The following PKHD1 variants were observed in gnomAD, a reference collection of about 807,000 sequenced individuals.
The protein encoded by PKHD1 is PKHD1 ciliary IPT domain containing fibrocystin/polyductin.
Under a neutral mutation model 412.0 loss-of-function variants are expected in PKHD1, and 291 were observed. The ratio of observed to expected loss-of-function variants is 0.71; its 90% CI spans 0.64 to 0.78. The LOEUF (loss-of-function observed/expected upper bound fraction) is 0.78, where lower values mean the gene tolerates loss of function less well. Ranked by LOEUF, PKHD1 falls within the 30% of genes least tolerant of loss-of-function variation. The pLI is 0.00. For missense variants in PKHD1, 4,825 were observed against 4,950.7 expected, an observed-to-expected ratio of 0.97 and a Z score of 0.76; for synonymous variants, 1,777 against 1,821.5, an observed-to-expected ratio of 0.98 and a Z score of 0.62.
intron 53 of PKHD1, among the ~76,000 whole-genome samples, chr6:51,776,803 A>G (rs1442247841): frequency 2.0e-5 from 3 of 152,102 alleles, no homozygotes; most frequent in Admixed American, 6.6e-5. Context: ...ACATAAGGCT[A>G]TGATACTCAG....
In PKHD1 at chr6:51,618,684, C is replaced by A. The variant is rs750640413; in HGVS notation, c.*397G>T. 1 of 319,958 alleles carries A rather than the reference C, an allele frequency of 3.1e-6. No individual in the cohort carries two copies. The highest frequency in any genetic ancestry group is 6.0e-6 in the Non-Finnish European group (1 of 166,784). The allele number at this position is 319,958 out of a possible 1,614,324, so 19.8% of individuals were successfully genotyped here. A position where few individuals can be genotyped will look rare whatever the true frequency, so the allele number is the denominator to read the frequency against. Reference sequence around the variant, plus strand: ...TGGAATTAAACTGTAGCTGACCAGACCTTTTCATGATCCCTTCTATAAAAG... The same window carrying A: ...TGGAATTAAACTGTAGCTGACCAGAACTTTTCATGATCCCTTCTATAAAAG... On this transcript the variant is annotated 3_prime_UTR_variant, in exon 67 of 67. Coordinates refer to ENST00000371117, the MANE Select transcript of PKHD1 (RefSeq NM_138694.4).
intron 64 of PKHD1, among the ~76,000 whole-genome samples, chr6:51,635,398 CA>C (rs376885159): frequency 2.8e-4 from 43 of 152,268 alleles, no homozygotes; most frequent in African/African-American, 1.0e-3. Flanking sequence ...AGCATCAGAA[CA>C]TTTTTTAAAA....
chr6:52,069,329 G>A, intron 11 of PKHD1, 128 bp downstream of exon 11: 1 of 773,628 alleles, frequency 1.3e-6, no homozygotes, highest in South Asian at 1.4e-5. Context: ...AAAACACCAG[G>A]CTGTCTATGA....
intron 12 of PKHD1, 22 bp from the exon 13 acceptor site, chr6:52,065,072 T>C: frequency 7.5e-7 from 1 of 1,325,520 alleles, no homozygotes; most frequent in Non-Finnish European, 1.1e-6. Context: ...TAAAGAAATT[T>C]ATGTATGTGT....
At chr6:51,975,383 A>T (rs1237989314) in intron 35 of PKHD1, among the ~76,000 whole-genome samples, 1 of 152,094 alleles carries the variant, frequency 6.6e-6, no homozygotes, top group Non-Finnish European at 1.5e-5. Context: ...AAATATTTGC[A>T]AATTATACAA....
intron 63 of PKHD1, among the ~76,000 whole-genome samples, chr6:51,642,411 G>C (rs757822160): frequency 6.6e-6 from 1 of 152,154 alleles, no homozygotes; most frequent in Non-Finnish European, 1.5e-5. Context: ...TATGAGTAAG[G>C]TACAGACTAT....
intron 55 of PKHD1, among the ~76,000 whole-genome samples, chr6:51,763,236 A>G (rs920879453): frequency 6.6e-6 from 1 of 152,124 alleles, no homozygotes; most frequent in Non-Finnish European, 1.5e-5. Context: ...AATGCAGATA[A>G]TAATACCTAA....
chr6:51,750,158 A>T (rs1159737669), intron 57 of PKHD1, among the ~76,000 whole-genome samples: 1 of 152,174 alleles, frequency 6.6e-6, no homozygotes, highest in Non-Finnish European at 1.5e-5. Flanking sequence ...AAAGGAACCT[A>T]TACGTCTACT....
At chr6:51,633,651 A>G (rs899241915) in intron 64 of PKHD1, among the ~76,000 whole-genome samples, 1 of 152,248 alleles carries the variant, frequency 6.6e-6, no homozygotes, top group Non-Finnish European at 1.5e-5. Context: ...TGAATGGTAC[A>G]CATTTGTAGG....
Position 51,619,523 on chromosome 6 carries a change from G to A in PKHD1, c.11786-3C>T. The A allele has an allele frequency of 6.2e-7, 1 of 1,611,086 alleles. No individual in the cohort carries two copies. The highest frequency in any genetic ancestry group is 1.3e-5 in the African/African-American group (1 of 74,976). ...CAGCATGACCTTCATTCTCATATCT[G>A]GGGGGAAAAGAAATAGGGGAAGAAA... On this transcript the variant is annotated splice_polypyrimidine_tract_variant and splice_region_variant and intron_variant, in intron 66 of 66. Transcript: ENST00000371117.
chr6:51,651,840 G>A (rs764000481), intron 61 of PKHD1, among the ~76,000 whole-genome samples: 25 of 152,152 alleles, frequency 1.6e-4, no homozygotes, highest in Admixed American at 9.2e-4. Flanking sequence ...GGGAAGATTA[G>A]ATTCCAGTGT....
rs1382610222 is a variant in PKHD1, at chr6:52,053,267, G to C, written c.1965-16C>G. The C allele has an allele frequency of 1.9e-6, 3 of 1,613,492 alleles. No individual in the cohort carries two copies. Among genetic ancestry groups the C allele is most frequent in the Non-Finnish European group, 2.5e-6 (3 of 1,179,814 alleles). ...GAACTGCCAGCTGAAAAACAGCATG[G>C]AGCAGAACTGGGCTCTCAGGGAGCA... On this transcript the variant is annotated splice_polypyrimidine_tract_variant and intron_variant, in intron 20 of 66. Coordinates refer to ENST00000371117, the MANE Select transcript of PKHD1 (RefSeq NM_138694.4).
intron 36 of PKHD1, among the ~76,000 whole-genome samples, chr6:51,949,254 C>A (rs1411429012): frequency 1.3e-5 from 2 of 152,134 alleles, no homozygotes; most frequent in Admixed American, 6.6e-5. Context: ...TCTTACCTTT[C>A]AATTATTAAA....
At chr6:51,967,748 T>C (rs530049404) in intron 35 of PKHD1, among the ~76,000 whole-genome samples, 54 of 152,136 alleles carry the variant, frequency 3.5e-4, no homozygotes, top group African/African-American at 1.2e-3. Context: ...GATCAGAAGA[T>C]TGACAGATAC....
At chr6:51,833,339 A>C (rs1768612035) in intron 51 of PKHD1, among the ~76,000 whole-genome samples, 1 of 152,178 alleles carries the variant, frequency 6.6e-6, no homozygotes, top group Non-Finnish European at 1.5e-5. Context: ...TATTCTAATG[A>C]AGGAATGTTA....
chr6:51,782,849 C>T (rs71570547), intron 53 of PKHD1, among the ~76,000 whole-genome samples: 5,636 of 152,170 alleles, frequency 0.037, 157 homozygotes, highest in Non-Finnish European at 0.059. Context: ...TTAATCTACG[C>T]TTTTCTCAGG....
intron 35 of PKHD1, among the ~76,000 whole-genome samples, chr6:51,962,089 A>G (rs28475275): frequency 0.014 from 2,074 of 152,224 alleles, 40 homozygotes; most frequent in African/African-American, 0.047. Context: ...TCTCCAAACC[A>G]ACATCCAAAG....
At chr6:51,972,260 T>G (rs1275714020) in intron 35 of PKHD1, among the ~76,000 whole-genome samples, 2 of 152,232 alleles carry the variant, frequency 1.3e-5, no homozygotes, top group Non-Finnish European at 1.5e-5. Context: ...ATATCTTCAC[T>G]AGCCTTGACT....
rs779818218 is a variant in PKHD1, at chr6:51,967,034, G to A, written c.5752-7008C>T. On this transcript the variant is annotated intron_variant, in intron 35 of 66. Coordinates refer to ENST00000371117, the MANE Select transcript of PKHD1 (RefSeq NM_138694.4). ...GCAGCTGCAGCCTGAAGGATCAGGCGGCTGGCCCTGGAGGAAGGAACGCTG... is the reference window on the plus strand; with the variant it reads ...GCAGCTGCAGCCTGAAGGATCAGGCAGCTGGCCCTGGAGGAAGGAACGCTG... Among the ~76,000 whole-genome samples the A allele has an allele frequency of 4.6e-5, 7 of 152,090 alleles. No homozygotes were observed. In the South Asian group the frequency reaches 6.2e-4, roughly 13 times the overall value.
Sources: gnomAD v4.1 joint callset for allele counts (sites outside exome capture counted in the v4.1 genomes callset) on GRCh38, gnomAD v4.1.1 for gene constraint, MANE v1.5 for transcripts, NCBI Gene and HGNC (gene_info 2026-07-23, HGNC 2026-07-21) for gene names.